The following CDC42BPA variants were observed in gnomAD, a reference collection of about 807,000 sequenced individuals.
The protein encoded by CDC42BPA is CDC42 binding protein kinase alpha, also known as serine/threonine-protein kinase MRCK alpha.
A neutral mutation model predicts 223.5 loss-of-function variants in CDC42BPA; 80 were observed. The observed-to-expected ratio is 0.36, with a 90% confidence interval of 0.30 to 0.43. CDC42BPA has a LOEUF of 0.43. Among genes scored for constraint, CDC42BPA ranks in the 20% least tolerant of loss-of-function variants. CDC42BPA has a pLI of 1.00. For synonymous variants in CDC42BPA, 694 were observed against 718.6 expected (o/e 0.97, Z 0.55); for missense variants, 1,743 against 2,099.9 (o/e 0.83, Z 3.32).
intron 2 of CDC42BPA, among the ~76,000 whole-genome samples, chr1:227,223,959 G>C (rs1676391474): frequency 6.6e-6 from 1 of 152,090 alleles, no homozygotes; most frequent in African/African-American, 2.4e-5. Context: ...GCACGTTTAA[G>C]GTAGGCTAGG....
At chr1:227,005,528 ATTC>A (rs1663849822) in intron 34 of CDC42BPA, among the ~76,000 whole-genome samples, 1 of 152,212 alleles carries the variant, frequency 6.6e-6, no homozygotes, top group South Asian at 2.1e-4. Flanking sequence ...CTAAAATTAT[ATTC>A]TTCTCAAGAA....
chr1:227,082,147 C>A (rs1206028089), intron 16 of CDC42BPA, among the ~76,000 whole-genome samples: 3 of 152,106 alleles, frequency 2.0e-5, no homozygotes, highest in African/African-American at 4.8e-5. Flanking sequence ...CCCACTTCAG[C>A]CTCCCTAGTA....
intron 5 of CDC42BPA, among the ~76,000 whole-genome samples, chr1:227,184,193 T>C (rs1668390532): frequency 6.6e-6 from 1 of 152,166 alleles, no homozygotes; most frequent in East Asian, 1.9e-4. Context: ...ATAATTTTAA[T>C]TTTAATGAAG....
chr1:227,162,038 GA>G (rs1664000045), intron 5 of CDC42BPA, among the ~76,000 whole-genome samples: 2 of 151,944 alleles, frequency 1.3e-5, no homozygotes, highest in South Asian at 4.1e-4. Context: ...TTTAGATGAG[GA>G]AAAAATATTT....
intron 18 of CDC42BPA, 111 bp from the exon 19 acceptor site, chr1:227,074,123 T>C: frequency 2.2e-6 from 3 of 1,384,922 alleles, no homozygotes; most frequent in South Asian, 1.3e-5. Context: ...CCCAAACTAA[T>C]AGTTTTCTCA....
chr1:227,187,687 C>G (rs1259124561), intron 5 of CDC42BPA, among the ~76,000 whole-genome samples: 6 of 80,444 alleles, frequency 7.5e-5, no homozygotes, highest in African/African-American at 2.5e-4. Flanking sequence ...CCACCCCCCC[C>G]CCAAAAAAAA....
chr1:227,249,762 C>G (rs1472933752), intron 2 of CDC42BPA, among the ~76,000 whole-genome samples: 5 of 152,234 alleles, frequency 3.3e-5, no homozygotes, highest in African/African-American at 9.6e-5. Context: ...CATCTCACCC[C>G]AGTTAAAATG....
intron 28 of CDC42BPA, 67 bp from the exon 29 acceptor site, chr1:227,030,537 TGATAAGAA>T (rs1669093808): frequency 1.1e-6 from 1 of 935,176 alleles, no homozygotes; most frequent in African/African-American, 1.7e-5. Context: ...ATAAACCAGA[TGATAAGAA>T]CATTTGGTGC....
chr1:227,170,862 T>G lies in CDC42BPA; in HGVS notation c.600-10226A>C, dbSNP rs60315742. 4.7e-3 allele frequency among the ~76,000 whole-genome samples: 716 copies of G among 152,308 alleles called. 8 individuals are homozygous for G. The highest frequency in any genetic ancestry group is 0.016 in the African/African-American group (676 of 41,558). The stretch of plus-strand genomic sequence containing the variant: ...AGGTGTTAACCCCTAATAAATACCC[T>G]GCATGACACATTCTGTCTCAGTGCC... On this transcript the variant is annotated intron_variant, in intron 5 of 36. Coordinates refer to ENST00000366766, the MANE Select transcript of CDC42BPA (RefSeq NM_001394014.1).
intron 34 of CDC42BPA, among the ~76,000 whole-genome samples, chr1:227,008,958 G>C (rs533880289): frequency 7.4e-4 from 112 of 152,276 alleles, no homozygotes; most frequent in African/African-American, 2.6e-3. Flanking sequence ...AACCCTGTAA[G>C]ACGCAAGCAG....
intron 3 of CDC42BPA, among the ~76,000 whole-genome samples, chr1:227,201,738 G>C (rs1671800746): frequency 6.7e-6 from 1 of 149,230 alleles, no homozygotes; most frequent in African/African-American, 2.5e-5. Flanking sequence ...TATATTTTTT[G>C]GTCTTTATAC....
At chr1:227,296,503 C>T (rs766570543) in intron 1 of CDC42BPA, among the ~76,000 whole-genome samples, 2 of 151,896 alleles carry the variant, frequency 1.3e-5, no homozygotes, top group Non-Finnish European at 2.9e-5. Flanking sequence ...GTCAGGAGTT[C>T]GAGACCAGCC....
intron 3 of CDC42BPA, among the ~76,000 whole-genome samples, chr1:227,208,842 C>G (rs1243530468): frequency 6.6e-6 from 1 of 151,928 alleles, no homozygotes; most frequent in Non-Finnish European, 1.5e-5. Context: ...GATGCGGGCT[C>G]TTTTTCGGTT....
At chr1:227,192,893 A>G (rs1669954525) in intron 5 of CDC42BPA, among the ~76,000 whole-genome samples, 1 of 152,096 alleles carries the variant, frequency 6.6e-6, no homozygotes, top group East Asian at 1.9e-4. Flanking sequence ...TTATTTAGCA[A>G]ATGAACCTAT....
chr1:227,163,953 G>A (rs567151705), intron 5 of CDC42BPA, among the ~76,000 whole-genome samples: 1 of 152,200 alleles, frequency 6.6e-6, no homozygotes, highest in South Asian at 2.1e-4. Flanking sequence ...ACCATTTACT[G>A]AATGATATCC....
intron 2 of CDC42BPA, among the ~76,000 whole-genome samples, chr1:227,227,094 TAAAC>T (rs879635818): frequency 2.0e-5 from 3 of 152,050 alleles, no homozygotes; most frequent in Non-Finnish European, 4.4e-5. Context: ...AAGTATAAAA[TAAAC>T]AAAAAGGAAA....
chr1:227,082,486 G>A (rs112787790), intron 16 of CDC42BPA, among the ~76,000 whole-genome samples: 23,449 of 151,764 alleles, frequency 0.15, 2,192 homozygotes, highest in African/African-American at 0.25. Flanking sequence ...AGGCTGAGAC[G>A]GGTGGATCAC....
intron 21 of CDC42BPA, among the ~76,000 whole-genome samples, chr1:227,052,620 T>C (rs751775940): frequency 1.3e-5 from 2 of 152,176 alleles, no homozygotes; most frequent in Non-Finnish European, 2.9e-5. Flanking sequence ...CTAGTCTGTA[T>C]GGCAAGTTTC....
chr1:227,207,572 G>A (rs1362770268), intron 3 of CDC42BPA, among the ~76,000 whole-genome samples: 1 of 136,052 alleles, frequency 7.4e-6, no homozygotes, highest in Admixed American at 8.3e-5. Context: ...GTGTCCCTGT[G>A]ATCTCACTGT....
Sources: allele counts gnomAD v4.1 joint callset (sites outside exome capture counted in the v4.1 genomes callset), GRCh38; gene constraint gnomAD v4.1.1; transcripts MANE v1.5; gene names NCBI Gene and HGNC (gene_info 2026-07-23, HGNC 2026-07-21).